The following GALNT17 variants were observed in gnomAD, a reference collection of about 807,000 sequenced individuals.
The protein encoded by GALNT17 is UDP-GalNAc:polypeptide N-acetylgalactosaminyltransferase-like 3.
A neutral mutation model predicts 63.7 loss-of-function variants in GALNT17; 29 were observed. That is an observed-to-expected ratio of 0.46 (90% CI 0.34 to 0.62). The LOEUF (loss-of-function observed/expected upper bound fraction) is 0.62, where lower values mean the gene tolerates loss of function less well. Ranked by LOEUF, GALNT17 falls within the 20% of genes least tolerant of loss-of-function variation. The pLI, the probability that GALNT17 is intolerant of heterozygous loss-of-function variation, is 0.01. For synonymous variants in GALNT17, 305 were observed against 318.3 expected (o/e 0.96, Z 0.45); for missense variants, 603 against 799.6 (o/e 0.75, Z 2.97).
chr7:71,390,483 A>G (rs1793030667), intron 3 of GALNT17, among the ~76,000 whole-genome samples: 1 of 152,122 alleles, frequency 6.6e-6, no homozygotes, highest in Admixed American at 6.5e-5. Context: ...GCCATTAGTT[A>G]TCTATAGATT....
chr7:71,356,080 C>T (rs769343109), intron 2 of GALNT17, among the ~76,000 whole-genome samples: 2 of 151,942 alleles, frequency 1.3e-5, no homozygotes, highest in African/African-American at 4.8e-5. Flanking sequence ...TGAGTTCAAG[C>T]GATTCTCCTG....
At chr7:71,431,348 C>T (rs1296416659) in intron 5 of GALNT17, among the ~76,000 whole-genome samples, 1 of 151,322 alleles carries the variant, frequency 6.6e-6, no homozygotes, top group Non-Finnish European at 1.5e-5. Flanking sequence ...GTAGCTGGGA[C>T]TACAGGCATG....
rs1259698651 is a variant in GALNT17, at chr7:71,193,180, C to G, written c.238+60140C>G. 2.6e-5 allele frequency among the ~76,000 whole-genome samples: 4 copies of G among 151,988 alleles called. No individual in the cohort carries two copies. The East Asian group carries it at 7.8e-4, about 29-fold the overall frequency. ...GTGGTGCCATCATTGCTCACTGCAG[C>G]CTTGACCTCCCGGGCTCAAGCTATC... is the stretch of plus-strand genomic sequence containing the variant. On this transcript the variant is annotated intron_variant, in intron 1 of 10. Transcript: ENST00000333538.
intron 1 of GALNT17, among the ~76,000 whole-genome samples, chr7:71,334,453 G>T (rs1327782833): frequency 1.6e-5 from 2 of 124,312 alleles, no homozygotes; most frequent in Non-Finnish European, 3.1e-5. Context: ...GGATAAAGTG[G>T]TGTGTGTGTG....
At chr7:71,270,258 C>T (rs1346189708) in intron 1 of GALNT17, among the ~76,000 whole-genome samples, 1 of 152,064 alleles carries the variant, frequency 6.6e-6, no homozygotes, top group Non-Finnish European at 1.5e-5. Flanking sequence ...ACTCTCCCCC[C>T]TTGTATCTCC....
intron 1 of GALNT17, among the ~76,000 whole-genome samples, chr7:71,228,920 C>T (rs1424498278): frequency 2.6e-5 from 4 of 151,862 alleles, no homozygotes; most frequent in Non-Finnish European, 5.9e-5. Flanking sequence ...TTTCCCTCCT[C>T]GGCAAAGTAC....
At chr7:71,577,471 T>C (rs936804993) in intron 6 of GALNT17, among the ~76,000 whole-genome samples, 9 of 152,090 alleles carry the variant, frequency 5.9e-5, no homozygotes, top group Non-Finnish European at 1.2e-4. Flanking sequence ...TAAGCCATCA[T>C]GGAGGAAAGG....
chr7:71,255,281 A>G (rs944173259), intron 1 of GALNT17, among the ~76,000 whole-genome samples: 3 of 152,188 alleles, frequency 2.0e-5, no homozygotes, highest in African/African-American at 4.8e-5. Context: ...GTGATAGTGA[A>G]TAAGTCTCAT....
intron 1 of GALNT17, among the ~76,000 whole-genome samples, chr7:71,292,149 C>T (rs893861034): frequency 1.3e-5 from 2 of 152,194 alleles, no homozygotes; most frequent in East Asian, 1.9e-4. Context: ...AGTGGGATTC[C>T]GGGAGAGAGT....
chr7:71,329,839 C>T (rs1397044850), intron 1 of GALNT17, among the ~76,000 whole-genome samples: 1 of 151,762 alleles, frequency 6.6e-6, no homozygotes, highest in Non-Finnish European at 1.5e-5. Flanking sequence ...GGAGACAGAG[C>T]CAAGCCATAT....
At chr7:71,638,079 C>G (rs964525004) in intron 6 of GALNT17, among the ~76,000 whole-genome samples, 2 of 152,186 alleles carry the variant, frequency 1.3e-5, no homozygotes, top group South Asian at 4.1e-4. Context: ...GGTTCCTCCC[C>G]TTTTTACACC....
rs1291747208 is a variant in GALNT17 at position 71,265,097 on chromosome 7, A to ATTTT, written c.239-70451_239-70450insTTTT. On this transcript the variant is annotated intron_variant, in intron 1 of 10. Transcript: ENST00000333538. Reference sequence around the variant, plus strand: ...AAAATACCACACGTAACCCATAAATATTATATATATATATATATATATTTT... The same window carrying ATTTT: ...AAAATACCACACGTAACCCATAAATATTTTTTATATATATATATATATATATTTT... Among the ~76,000 whole-genome samples the ATTTT allele has an allele frequency of 3.6e-4, 31 of 85,086 alleles. 2 individuals carry two copies. The highest frequency in any genetic ancestry group is 1.2e-3 in the African/African-American group (29 of 23,768). The allele number at this position is 85,086 out of a possible 152,430, so 55.8% of individuals were successfully genotyped here. A position where few individuals can be genotyped will look rare whatever the true frequency, so the allele number is the denominator to read the frequency against.
chr7:71,711,689 A>G (rs1161345465), intron 10 of GALNT17, among the ~76,000 whole-genome samples: 1 of 112,110 alleles, frequency 8.9e-6, no homozygotes, highest in Non-Finnish European at 1.9e-5. Flanking sequence ...TCTCCTCTCT[A>G]TCTTCTCTCT....
intron 5 of GALNT17, among the ~76,000 whole-genome samples, chr7:71,527,816 T>A (rs1388533558): frequency 6.6e-6 from 1 of 152,160 alleles, no homozygotes. Context: ...ATACACACCA[T>A]ACACACACAG....
intron 6 of GALNT17, among the ~76,000 whole-genome samples, chr7:71,592,202 C>T (rs1789812633): frequency 6.6e-6 from 1 of 152,078 alleles, no homozygotes; most frequent in Admixed American, 6.6e-5. Flanking sequence ...CACTGGAGAG[C>T]CAGGAAGACC....
In GALNT17 at chr7:71,178,469, C is replaced by T. The variant is rs538107199; in HGVS notation, c.238+45429C>T. ...TGTAAGTTGTAGGCCTATTTCTTCACGTCTTTTCTGCCTTATTCTCTCTCT... is the reference window on the plus strand; with the variant it reads ...TGTAAGTTGTAGGCCTATTTCTTCATGTCTTTTCTGCCTTATTCTCTCTCT... On this transcript the variant is annotated intron_variant, in intron 1 of 10. Transcript: ENST00000333538. 2.8e-4 allele frequency among the ~76,000 whole-genome samples: 43 copies of T among 152,172 alleles called. 1 individual carries two copies. The highest frequency in any genetic ancestry group is 1.6e-3 in the Admixed American group (25 of 15,264).
At chr7:71,137,064 C>T (rs1341133761) in intron 1 of GALNT17, among the ~76,000 whole-genome samples, 1 of 150,040 alleles carries the variant, frequency 6.7e-6, no homozygotes, top group Non-Finnish European at 1.5e-5. Context: ...GCCTTGGCCT[C>T]CCAAAGTGCT....
At chr7:71,623,870 C>T (rs1429330041) in intron 6 of GALNT17, among the ~76,000 whole-genome samples, 2 of 152,204 alleles carry the variant, frequency 1.3e-5, no homozygotes, top group Non-Finnish European at 2.9e-5. Flanking sequence ...TTTGTCCCTT[C>T]ACCAGACAAT....
intron 2 of GALNT17, among the ~76,000 whole-genome samples, chr7:71,344,856 A>G (rs973878804): frequency 2.6e-5 from 4 of 152,180 alleles, no homozygotes; most frequent in Admixed American, 2.6e-4. Context: ...AAATGAGGCA[A>G]CTAATTGGAA....
Sources: gnomAD v4.1 joint callset for allele counts (sites outside exome capture counted in the v4.1 genomes callset) on GRCh38, gnomAD v4.1.1 for gene constraint, MANE v1.5 for transcripts, NCBI Gene and HGNC (gene_info 2026-07-23, HGNC 2026-07-21) for gene names.